Variants in NLRP14 observed in about 807,000 individuals in gnomAD.
NLRP14 encodes the protein NLR family pyrin domain containing 14, also known as NACHT, LRR and PYD domains-containing protein 14.
A neutral mutation model predicts 94.7 loss-of-function variants in NLRP14; 105 were observed. The ratio of observed to expected loss-of-function variants is 1.11; its 90% CI spans 0.95 to 1.30. The LOEUF is 1.30. NLRP14 is among the 50% of genes most tolerant of loss of function. NLRP14 has a pLI of 0.00. For synonymous variants in NLRP14, 508 were observed against 459.9 expected, an observed-to-expected ratio of 1.10 and a Z score of -1.34; for missense variants, 1,362 against 1,254.1, an observed-to-expected ratio of 1.09 and a Z score of -1.30.
Position 7,043,049 on chromosome 11 carries a change from G to T in NLRP14, c.1023G>T (p.Gln341His), listed in dbSNP as rs200438370. 2.5e-4 allele frequency: 397 copies of T among 1,614,004 alleles called. No individual in the cohort carries two copies. Among genetic ancestry groups the T allele is most frequent in the Non-Finnish European group, 3.2e-4 (377 of 1,180,014 alleles). The change falls in exon 4 of 12, where the codon CAG (glutamine) becomes CAT (histidine). Residue 341 changes from glutamine (Q) to histidine (H), a missense_variant. Physicochemically the swap from Gln to His is conservative, Grantham distance 24 (BLOSUM62 0). Coordinates refer to ENST00000299481, the MANE Select transcript of NLRP14 (RefSeq NM_176822.4). ...ATGCAAGAGAGGAGTATATTTACCA[G>T]TTTTTTGAAGATAAGAGGTGGGCCA... ...SEDAREEYIY[Q>H]FFEDKRWAMK...
chr11:7,061,109 C>G (rs930495840), intron 9 of NLRP14, among the ~76,000 whole-genome samples: 2 of 151,786 alleles, frequency 1.3e-5, no homozygotes, highest in African/African-American at 4.8e-5. Context: ...TTTGGTTGAC[C>G]CAGAAGTATT....
the NLRP14 span, among the ~76,000 whole-genome samples, chr11:7,078,327 A>C: frequency 6.8e-6 from 1 of 147,754 alleles, no homozygotes; most frequent in Non-Finnish European, 1.5e-5. Flanking sequence ...AGTCCCAGCT[A>C]CTCAGGAGGC....
chr11:7,058,599 T>C, intron 8 of NLRP14, 149 bp downstream of exon 8: 1 of 667,534 alleles, frequency 1.5e-6, no homozygotes, highest in Non-Finnish European at 2.6e-6. Context: ...TAATTGCCAT[T>C]TATTGTGTCC....
chr11:7,066,156 C>G (rs1345927261), intron 10 of NLRP14, among the ~76,000 whole-genome samples: 2 of 152,132 alleles, frequency 1.3e-5, no homozygotes, highest in Admixed American at 1.3e-4. Context: ...GCAAATGGTG[C>G]TGCAATAAAC....
the NLRP14 span, among the ~76,000 whole-genome samples, chr11:7,083,113 T>A: frequency 6.6e-6 from 1 of 152,228 alleles, no homozygotes; most frequent in Non-Finnish European, 1.5e-5. Context: ...AGAAATTGCA[T>A]AGTCATACCA....
chr11:7,046,551 T>C lies in NLRP14; in HGVS notation c.1959-117T>C, dbSNP rs780616165. 2.1e-5 allele frequency: 20 copies of C among 934,580 alleles called. No homozygotes were observed. In the African/African-American group the frequency reaches 2.3e-4, roughly 11 times the overall value. 57.9% of individuals were successfully genotyped at this position (934,580 alleles called of 1,614,324 possible). A position where few individuals can be genotyped will look rare whatever the true frequency, so the allele number is the denominator to read the frequency against. ...GACTGTGCCCACGGTGGAGCTGCAC[T>C]GGATGCTCTTGCCTTTCCAAAGTAC... is the stretch of plus-strand genomic sequence containing the variant. On this transcript the variant is annotated intron_variant, in intron 4 of 11. Transcript: ENST00000299481.
chr11:7,032,721 C>A (rs1274471360), intron 1 of NLRP14, among the ~76,000 whole-genome samples: 1 of 151,944 alleles, frequency 6.6e-6, no homozygotes, highest in Admixed American at 6.5e-5. Context: ...CTTTTTTTCC[C>A]CTTCTATGAA....
chr11:7,083,051 T>G, the NLRP14 span, among the ~76,000 whole-genome samples: 45 of 152,338 alleles, frequency 3.0e-4, no homozygotes, highest in African/African-American at 9.9e-4. Flanking sequence ...AAAGTTGAAG[T>G]GGCACGGGGA....
In NLRP14 at chr11:7,041,041, CA is replaced by C. The variant is rs1323080810; in HGVS notation, c.361+1260del. ...GGAACTTTGGAAAATACTGTAAGTA[CA>C]AAATAGAAAATAAGAAGTACAGCAA... On this transcript the variant is annotated intron_variant, in intron 3 of 11. Transcript: ENST00000299481. 2.0e-5 allele frequency among the ~76,000 whole-genome samples: 3 copies of C among 152,026 alleles called. No homozygotes were observed. The East Asian group carries it at 5.8e-4, about 29-fold the overall frequency.
chr11:7,071,946 A>T (rs1463203417), downstream of NLRP14, among the ~76,000 whole-genome samples: 4 of 152,222 alleles, frequency 2.6e-5, no homozygotes, highest in Non-Finnish European at 5.9e-5. Flanking sequence ...TTGTAAAGAT[A>T]AGGAGGATTA....
chr11:7,033,053 A>T (rs77221529), intron 1 of NLRP14, among the ~76,000 whole-genome samples: 4,663 of 152,230 alleles, frequency 0.031, 138 homozygotes, highest in East Asian at 0.13. Flanking sequence ...TTCTTCCACT[A>T]GTTATGAGAT....
chr11:7,040,459 T>A (rs1224616023), intron 3 of NLRP14, among the ~76,000 whole-genome samples: 1 of 152,188 alleles, frequency 6.6e-6, no homozygotes. Context: ...TGAATCATCC[T>A]GAAATCATCT....
chr11:7,058,663 G>A (rs1397500224), intron 8 of NLRP14, among the ~76,000 whole-genome samples: 2 of 151,896 alleles, frequency 1.3e-5, no homozygotes, highest in Non-Finnish European at 2.9e-5. Context: ...AATAGTACCC[G>A]ATGGTGTCAA....
At chr11:7,069,725 C>T (rs1209402935) in intron 10 of NLRP14, among the ~76,000 whole-genome samples, 3 of 152,102 alleles carry the variant, frequency 2.0e-5, no homozygotes, top group Admixed American at 6.6e-5. Flanking sequence ...CTCCTGGGTT[C>T]AAGCAATTCT....
At chr11:7,039,165 T>A (rs1304799482) in intron 2 of NLRP14, among the ~76,000 whole-genome samples, 1 of 152,136 alleles carries the variant, frequency 6.6e-6, no homozygotes, top group African/African-American at 2.4e-5. Flanking sequence ...ATAAAGTGCC[T>A]TCACCAAAAC....
intron 2 of NLRP14, among the ~76,000 whole-genome samples, chr11:7,039,477 T>C (rs956749575): frequency 6.6e-6 from 1 of 152,150 alleles, no homozygotes; most frequent in Non-Finnish European, 1.5e-5. Flanking sequence ...CTATTTGCCC[T>C]GGAGCTACAA....
At chr11:7,042,025 T>TA (rs1324878365) in intron 3 of NLRP14, among the ~76,000 whole-genome samples, 1 of 148,882 alleles carries the variant, frequency 6.7e-6, no homozygotes, top group Admixed American at 6.7e-5. Context: ...CCTCTGTTCT[T>TA]TTTTTTTTTA....
At chr11:7,026,133 A>G (rs934681064) in intron 1 of NLRP14, among the ~76,000 whole-genome samples, 1 of 152,236 alleles carries the variant, frequency 6.6e-6, no homozygotes, top group East Asian at 1.9e-4. Context: ...AGCAATGGCA[A>G]CAAAAGCCAA....
chr11:7,028,090 C>A (rs1444980261), intron 1 of NLRP14, among the ~76,000 whole-genome samples: 1 of 151,556 alleles, frequency 6.6e-6, no homozygotes, highest in African/African-American at 2.4e-5. Context: ...TTAAATTCCA[C>A]CTATAAGCTA....
Sources: allele counts gnomAD v4.1 joint callset (sites outside exome capture counted in the v4.1 genomes callset), GRCh38; gene constraint gnomAD v4.1.1; transcripts MANE v1.5; gene names NCBI Gene and HGNC (gene_info 2026-07-23, HGNC 2026-07-21).